Variants in CFAP61 observed in about 807,000 individuals in gnomAD.
The protein encoded by CFAP61 is cilia- and flagella-associated protein 61.
Under a neutral mutation model 135.6 loss-of-function variants are expected in CFAP61, and 107 were observed. That is an observed-to-expected ratio of 0.79 (90% CI 0.67 to 0.93). The LOEUF is 0.93. Among genes scored for constraint, CFAP61 ranks in the 40% least tolerant of loss-of-function variants. The pLI is 0.00. For missense variants in CFAP61, 1,507 were observed against 1,556.2 expected, an observed-to-expected ratio of 0.97 and a Z score of 0.53; for synonymous variants, 575 against 578.5, an observed-to-expected ratio of 0.99 and a Z score of 0.09.
chr20:20,216,851 T>C (rs1004420506), intron 17 of CFAP61, among the ~76,000 whole-genome samples: 8 of 152,280 alleles, frequency 5.3e-5, no homozygotes, highest in African/African-American at 1.9e-4. Flanking sequence ...CGGTAAAGAC[T>C]TAGATCTTTA....
At chr20:20,264,949 A>G (rs2052585363) in intron 21 of CFAP61, among the ~76,000 whole-genome samples, 2 of 152,128 alleles carry the variant, frequency 1.3e-5, no homozygotes, top group African/African-American at 4.8e-5. Context: ...CAACTCTTCA[A>G]CTCTGCTCAT....
intron 8 of CFAP61, among the ~76,000 whole-genome samples, chr20:20,130,483 A>G (rs1057343945): frequency 3.3e-5 from 5 of 151,804 alleles, no homozygotes; most frequent in South Asian, 2.1e-4. Context: ...GGACAGTTCA[A>G]TTGAAGGACA....
chr20:20,149,417 T>C (rs2146769317), intron 9 of CFAP61, among the ~76,000 whole-genome samples: 1 of 152,280 alleles, frequency 6.6e-6, no homozygotes, highest in East Asian at 1.9e-4. Flanking sequence ...CCATGAACTT[T>C]TGCTTCGGAA....
intron 13 of CFAP61, chr20:20,171,701 G>A: frequency 1.7e-6 from 1 of 604,102 alleles, no homozygotes. Flanking sequence ...AGGCATTACT[G>A]TAACACATTT....
intron 8 of CFAP61, among the ~76,000 whole-genome samples, chr20:20,110,736 A>G (rs2048744566): frequency 6.6e-6 from 1 of 152,132 alleles, no homozygotes; most frequent in African/African-American, 2.4e-5. Context: ...TGTTATAGTG[A>G]GCTTCCTGAG....
chr20:20,121,645 C>T (rs865844106), intron 8 of CFAP61, among the ~76,000 whole-genome samples: 4 of 152,118 alleles, frequency 2.6e-5, no homozygotes, highest in Admixed American at 6.5e-5. Context: ...CAGGCACATG[C>T]CCCTGTGCCC....
At chr20:20,217,289 A>C (rs2048103092) in intron 17 of CFAP61, among the ~76,000 whole-genome samples, 1 of 152,250 alleles carries the variant, frequency 6.6e-6, no homozygotes, top group African/African-American at 2.4e-5. Context: ...AGATATGCTT[A>C]ATTTCTTCAG....
At chr20:20,307,485 G>T (rs191307220) in intron 25 of CFAP61, among the ~76,000 whole-genome samples, 121 of 152,250 alleles carry the variant, frequency 7.9e-4, no homozygotes, top group Admixed American at 4.3e-3. Context: ...GTTCCTGTTC[G>T]CTACACATCA....
At chr20:20,103,079 G>A (rs923891236) in intron 8 of CFAP61, among the ~76,000 whole-genome samples, 6 of 152,198 alleles carry the variant, frequency 3.9e-5, no homozygotes, top group Admixed American at 3.9e-4. Context: ...GTGGTGCAGA[G>A]AAGCCAGCTT....
At chr20:20,303,783 A>G (rs2056255225) in intron 25 of CFAP61, among the ~76,000 whole-genome samples, 1 of 152,046 alleles carries the variant, frequency 6.6e-6, no homozygotes, top group Non-Finnish European at 1.5e-5. Context: ...TGGGGCACCT[A>G]CCTCAGTGCC....
At chr20:20,105,587 C>T (rs943411566) in intron 8 of CFAP61, among the ~76,000 whole-genome samples, 12 of 152,066 alleles carry the variant, frequency 7.9e-5, no homozygotes, top group Non-Finnish European at 1.2e-4. Flanking sequence ...CATACATAGC[C>T]CTAATATACT....
intron 8 of CFAP61, among the ~76,000 whole-genome samples, chr20:20,117,710 C>T (rs983434733): frequency 6.6e-6 from 1 of 152,168 alleles, no homozygotes; most frequent in Admixed American, 6.5e-5. Flanking sequence ...TCTTCTAATG[C>T]ATGACCATGG....
At chr20:20,154,253 T>C (rs1006923601) in intron 9 of CFAP61, among the ~76,000 whole-genome samples, 1 of 152,070 alleles carries the variant, frequency 6.6e-6, no homozygotes, top group African/African-American at 2.4e-5. Flanking sequence ...AACATTATAC[T>C]GAACAAGGAA....
intron 22 of CFAP61, among the ~76,000 whole-genome samples, chr20:20,278,787 T>A (rs2053968897): frequency 6.6e-6 from 1 of 152,142 alleles, no homozygotes; most frequent in African/African-American, 2.4e-5. Flanking sequence ...TTAGAATCTC[T>A]CATTTTATCC....
At chr20:20,265,612 G>A (rs1035218110) in intron 21 of CFAP61, 1 of 702,766 alleles carries the variant, frequency 1.4e-6, no homozygotes, top group Non-Finnish European at 2.6e-6. Flanking sequence ...TTAGTTTCCT[G>A]TCTTACATGT....
intron 13 of CFAP61, among the ~76,000 whole-genome samples, chr20:20,176,234 A>G (rs2054618006): frequency 6.6e-6 from 1 of 152,184 alleles, no homozygotes; most frequent in Admixed American, 6.5e-5. Flanking sequence ...GAGAAATAGG[A>G]ACAATTTTAC....
intron 8 of CFAP61, among the ~76,000 whole-genome samples, chr20:20,103,991 T>C (rs1052517136): frequency 2.6e-5 from 4 of 152,226 alleles, no homozygotes; most frequent in Non-Finnish European, 5.9e-5. Context: ...TTTAAAAGAC[T>C]CCTGCAAGGT....
intron 7 of CFAP61, chr20:20,095,687 A>G (rs1364072757): frequency 6.6e-6 from 1 of 152,328 alleles, no homozygotes; most frequent in Non-Finnish European, 1.5e-5. Context: ...CTGCTTTGGC[A>G]TCATCCAGGG....
chr20:20,054,466 A>G (rs1301467097), intron 1 of CFAP61, among the ~76,000 whole-genome samples: 3 of 152,254 alleles, frequency 2.0e-5, no homozygotes, highest in African/African-American at 7.2e-5. Context: ...ATTAAACTTT[A>G]TATGTAGTTT....
Sources: allele counts gnomAD v4.1 joint callset (sites outside exome capture counted in the v4.1 genomes callset), GRCh38; gene constraint gnomAD v4.1.1; transcripts MANE v1.5; gene names NCBI Gene and HGNC (gene_info 2026-07-23, HGNC 2026-07-21).